Variants in CDC42SE2 observed in about 807,000 individuals in gnomAD.
CDC42SE2 encodes CDC42 small effector 2.
CDC42SE2 carries 3 observed loss-of-function variants against 11.5 expected under a neutral mutation model. The observed-to-expected ratio is 0.26, with a 90% CI of 0.12 to 0.67. CDC42SE2 has a LOEUF of 0.67. CDC42SE2 is among the 30% of genes least tolerant of loss of function. The pLI is 0.80. For missense variants in CDC42SE2, 82 were observed against 106.8 expected (o/e 0.77, Z 1.02); for synonymous variants, 33 against 34.8 (o/e 0.95, Z 0.18).
At position 131,295,347 on chromosome 5, in the gene CDC42SE2, G is replaced by A. The variant is rs80187406; in HGVS notation, c.-454-20629G>A. 1.8e-4 allele frequency among the ~76,000 whole-genome samples: 28 copies of A among 152,002 alleles called. No individual in the cohort carries two copies. The East Asian group carries it at 4.1e-3, about 22-fold the overall frequency. On this transcript the variant is annotated intron_variant, in intron 1 of 4. Transcript: ENST00000505065. The stretch of plus-strand genomic sequence containing the variant: ...AAAAGATAGCTATTACAGCATCATC[G>A]TGATAAAGATAAGTATTGGCAGTGA...
intron 1 of CDC42SE2, among the ~76,000 whole-genome samples, chr5:131,288,264 T>C (rs1478927348): frequency 6.6e-6 from 1 of 152,096 alleles, no homozygotes; most frequent in Non-Finnish European, 1.5e-5. Flanking sequence ...AAATAGTATG[T>C]GAACTAGTAA....
intron 1 of CDC42SE2, among the ~76,000 whole-genome samples, chr5:131,308,613 T>C (rs1390071183): frequency 2.0e-5 from 3 of 149,716 alleles, no homozygotes; most frequent in Non-Finnish European, 4.5e-5. Flanking sequence ...TATCCTCTTT[T>C]ATTTCCTTGA....
chr5:131,311,219 T>G (rs1757903207), intron 1 of CDC42SE2, among the ~76,000 whole-genome samples: 1 of 151,692 alleles, frequency 6.6e-6, no homozygotes, highest in South Asian at 2.1e-4. Flanking sequence ...TTTGGCTGGA[T>G]ATGCAATTCT....
At chr5:131,231,289 T>C in the CDC42SE2 span, among the ~76,000 whole-genome samples, 4 of 152,362 alleles carry the variant, frequency 2.6e-5, no homozygotes, top group East Asian at 7.7e-4. Flanking sequence ...ATTTTTCTTT[T>C]TGAATCTGTT....
upstream of CDC42SE2, chr5:131,261,424 T>A (rs1756725358): frequency 6.6e-6 from 1 of 152,216 alleles, no homozygotes; most frequent in Non-Finnish European, 1.5e-5. Flanking sequence ...TCTATTTAAT[T>A]TTATAAAAAA....
chr5:131,234,891 ATT>A, the CDC42SE2 span, among the ~76,000 whole-genome samples: 17 of 135,006 alleles, frequency 1.3e-4, no homozygotes, highest in East Asian at 4.2e-4. Context: ...GTGAGGGCAA[ATT>A]TTTTTTTTTT....
chr5:131,339,246 G>GAA (rs34594352), intron 2 of CDC42SE2, among the ~76,000 whole-genome samples: 366 of 28,222 alleles, frequency 0.013, 45 homozygotes, highest in East Asian at 0.016. Flanking sequence ...GACTCTGTCT[G>GAA]AAAAAAAAAA....
chr5:131,339,776 C>T (rs1184176176), intron 2 of CDC42SE2, among the ~76,000 whole-genome samples: 1 of 149,452 alleles, frequency 6.7e-6, no homozygotes, highest in Non-Finnish European at 1.5e-5. Flanking sequence ...TACCACTGCA[C>T]TCTAGCCTGA....
intron 2 of CDC42SE2, among the ~76,000 whole-genome samples, chr5:131,350,253 A>T (rs146657456): frequency 0.013 from 2,013 of 151,880 alleles, 26 homozygotes; most frequent in Non-Finnish European, 0.02. Flanking sequence ...TAGCCTTCCT[A>T]CTCGCTCATG....
At chr5:131,371,483 C>T (rs1476037723) in intron 3 of CDC42SE2, among the ~76,000 whole-genome samples, 1 of 152,134 alleles carries the variant, frequency 6.6e-6, no homozygotes, top group African/African-American at 2.4e-5. Flanking sequence ...GTTATGCTTA[C>T]ATTCTTGTTT....
chr5:131,353,032 C>G (rs1749395167), intron 2 of CDC42SE2, among the ~76,000 whole-genome samples: 1 of 152,054 alleles, frequency 6.6e-6, no homozygotes, highest in Non-Finnish European at 1.5e-5. Context: ...AGTGGCGCGT[C>G]TTGGTGTACT....
rs887729096 is a variant in CDC42SE2, at chr5:131,393,241, T to G, written c.*2150T>G. On this transcript the variant is annotated 3_prime_UTR_variant, in exon 5 of 5. Transcript: ENST00000505065. Reference sequence around the variant, plus strand: ...CTTTATCTTCTGCCTTCATTTACCTTAGTCCAAGATTCTTGCAAAACAGGC... The same window carrying G: ...CTTTATCTTCTGCCTTCATTTACCTGAGTCCAAGATTCTTGCAAAACAGGC... 6.6e-6 allele frequency: 1 copy of G among 152,368 alleles called. No homozygotes were observed. Among genetic ancestry groups the G allele is most frequent in the Non-Finnish European group, 1.5e-5 (1 of 68,040 alleles). The allele number at this position is 152,368 out of a possible 1,614,324, so 9.4% of individuals were successfully genotyped here.
At chr5:131,304,924 T>C (rs1272603144) in intron 1 of CDC42SE2, among the ~76,000 whole-genome samples, 1 of 152,156 alleles carries the variant, frequency 6.6e-6, no homozygotes, top group Non-Finnish European at 1.5e-5. Flanking sequence ...GCTTGATAAA[T>C]TTTGGCATGT....
intron 1 of CDC42SE2, among the ~76,000 whole-genome samples, chr5:131,315,190 A>G (rs546591747): frequency 1.3e-5 from 2 of 152,090 alleles, no homozygotes; most frequent in South Asian, 2.1e-4. Context: ...TGTTTTGTCT[A>G]CTGTGTTAAG....
intron 3 of CDC42SE2, among the ~76,000 whole-genome samples, chr5:131,383,271 C>G (rs941315646): frequency 6.6e-6 from 1 of 152,176 alleles, no homozygotes; most frequent in African/African-American, 2.4e-5. Context: ...AGCAGGAAAC[C>G]AGTGCATTGT....
chr5:131,359,774 A>T (rs906424586), intron 3 of CDC42SE2, among the ~76,000 whole-genome samples: 1 of 152,186 alleles, frequency 6.6e-6, no homozygotes, highest in African/African-American at 2.4e-5. Flanking sequence ...CATGACTGAG[A>T]GGAGGTGTTC....
At chr5:131,225,960 A>C in the CDC42SE2 span, among the ~76,000 whole-genome samples, 1 of 152,312 alleles carries the variant, frequency 6.6e-6, no homozygotes, top group Non-Finnish European at 1.5e-5. Flanking sequence ...ATTTATTGTT[A>C]TGGGTACATG....
At chr5:131,365,538 G>A (rs1405445814) in intron 3 of CDC42SE2, among the ~76,000 whole-genome samples, 2 of 152,144 alleles carry the variant, frequency 1.3e-5, no homozygotes, top group African/African-American at 4.8e-5. Context: ...CCCTAAATTA[G>A]GTATGAGTAT....
At chr5:131,336,544 T>C (rs1758567222) in intron 2 of CDC42SE2, among the ~76,000 whole-genome samples, 2 of 152,248 alleles carry the variant, frequency 1.3e-5, no homozygotes, top group Non-Finnish European at 2.9e-5. Context: ...GAAGTTCTCC[T>C]GGATAATATC....
Sources: gnomAD v4.1 joint callset for allele counts (sites outside exome capture counted in the v4.1 genomes callset) on GRCh38, gnomAD v4.1.1 for gene constraint, MANE v1.5 for transcripts, NCBI Gene and HGNC (gene_info 2026-07-23, HGNC 2026-07-21) for gene names.